Variants in EFCAB6 observed in about 807,000 individuals in gnomAD.
EFCAB6 encodes EF-hand calcium binding domain 6, also known as EF-hand calcium-binding domain-containing protein 6.
A neutral mutation model predicts 169.8 loss-of-function variants in EFCAB6; 156 were observed. The observed-to-expected ratio is 0.92, with a 90% CI of 0.81 to 1.05. The LOEUF is 1.05. Among genes scored for constraint, EFCAB6 ranks in the 50% least tolerant of loss-of-function variants. The probability of loss-of-function intolerance (pLI) is 0.00; values close to 1 mark genes in which losing one functional copy is unlikely to be tolerated. For synonymous variants in EFCAB6, 698 were observed against 676.4 expected, an observed-to-expected ratio of 1.03 and a Z score of -0.50; for missense variants, 1,800 against 1,829.1, an observed-to-expected ratio of 0.98 and a Z score of 0.29.
In EFCAB6 at chr22:43,600,203, A is replaced by G; in HGVS notation, c.2742T>C (p.Ile914=). Residue 914 remains isoleucine, a synonymous_variant, in exon 23 of 32, where the codon ATT becomes ATC. Transcript: ENST00000262726. ...GCCGATGGACAGCAGGCGAATAGTT[A>G]ATACCCAATTTCTGTAAAAATTCCT... ...TYQEFLQKLG[I]NYSPAVHRPC... is the part of the protein sequence containing the mutation. 6.2e-7 allele frequency: 1 copy of G among 1,614,168 alleles called. No homozygotes were observed. Among genetic ancestry groups the G allele is most frequent in the Non-Finnish European group, 8.5e-7 (1 of 1,180,018 alleles).
chr22:43,545,898 G>T (rs1602171851), intron 27 of EFCAB6, among the ~76,000 whole-genome samples: 1 of 152,206 alleles, frequency 6.6e-6, no homozygotes, highest in East Asian at 1.9e-4. Flanking sequence ...ATTTCCCCCA[G>T]ATTAAATTCA....
chr22:43,611,378 G>A (rs1171466777), intron 21 of EFCAB6, among the ~76,000 whole-genome samples: 1 of 152,176 alleles, frequency 6.6e-6, no homozygotes. Context: ...AACATTCCAT[G>A]CTCATGGATT....
intron 17 of EFCAB6, among the ~76,000 whole-genome samples, chr22:43,644,103 C>T (rs1281572014): frequency 2.6e-5 from 4 of 152,080 alleles, no homozygotes; most frequent in African/African-American, 9.7e-5. Flanking sequence ...GGATTCCAGG[C>T]GTGGCTGCGT....
rs2062121617 is a variant in EFCAB6 at position 43,787,402 on chromosome 22, A to C, written c.-7-5077T>G. Among the ~76,000 whole-genome samples the C allele has an allele frequency of 2.0e-5, 3 of 152,072 alleles. No individual in the cohort carries two copies. In the South Asian group the frequency reaches 6.2e-4, roughly 32 times the overall value. ...CACACACAATTAGAACTAATAAACA[A>C]GTTCAATAAGGTTGTAGGATACAAG... is the stretch of plus-strand genomic sequence containing the variant. On this transcript the variant is annotated intron_variant, in intron 2 of 31. Transcript: ENST00000262726.
intron 7 of EFCAB6, among the ~76,000 whole-genome samples, chr22:43,735,208 C>T (rs555458533): frequency 3.3e-5 from 5 of 152,132 alleles, no homozygotes; most frequent in South Asian, 4.2e-4. Flanking sequence ...AAAAAATGCC[C>T]GTGCAGGCTT....
intron 8 of EFCAB6, among the ~76,000 whole-genome samples, chr22:43,727,509 A>C (rs1371303023): frequency 2.0e-5 from 3 of 152,196 alleles, no homozygotes; most frequent in African/African-American, 7.2e-5. Context: ...AAGAAAATAT[A>C]TTTCTGTTGA....
chr22:43,544,340 C>T (rs1210240586), intron 27 of EFCAB6, among the ~76,000 whole-genome samples: 1 of 152,228 alleles, frequency 6.6e-6, no homozygotes, highest in African/African-American at 2.4e-5. Context: ...AGTCTCGGCT[C>T]CTATCCAGGC....
At chr22:43,586,877 G>A (rs2051111756) in intron 24 of EFCAB6, among the ~76,000 whole-genome samples, 1 of 152,128 alleles carries the variant, frequency 6.6e-6, no homozygotes. Flanking sequence ...TGGTTCTGAT[G>A]CTTGGAGTTT....
chr22:43,683,731 G>C lies in EFCAB6; in HGVS notation c.1251+16C>G, dbSNP rs201466080. 555 of 1,550,042 alleles carry C rather than the reference G, an allele frequency of 3.6e-4. No individual in the cohort carries two copies. Among genetic ancestry groups the C allele is most frequent in the Middle Eastern group, 1.4e-3 (8 of 5,830 alleles). ...AACAATGAGTGTTTCACAAGAGAAGGCTTTCAAAATCTTACAGTGTTGATT... is the reference window on the plus strand; with the variant it reads ...AACAATGAGTGTTTCACAAGAGAAGCCTTTCAAAATCTTACAGTGTTGATT... On this transcript the variant is annotated intron_variant, in intron 12 of 31. Transcript: ENST00000262726.
Position 43,811,758 on chromosome 22 carries a change from C to G in EFCAB6, c.-145+410G>C, listed in dbSNP as rs552738893. On this transcript the variant is annotated intron_variant, in intron 1 of 31. Coordinates refer to ENST00000262726, the MANE Select transcript of EFCAB6 (RefSeq NM_022785.4). ...CGTCTGTCTACAGGAGGGAGTCAAT[C>G]ATGACATTCACAAGACTGCTGTGGG... is the stretch of plus-strand genomic sequence containing the variant. 3.1e-3 allele frequency among the ~76,000 whole-genome samples: 466 copies of G among 152,280 alleles called. 2 individuals carry two copies. Among genetic ancestry groups the G allele is most frequent in the African/African-American group, 0.011 (444 of 41,556 alleles).
intron 6 of EFCAB6, among the ~76,000 whole-genome samples, chr22:43,753,829 CAG>C (rs1401573255): frequency 6.6e-6 from 1 of 152,188 alleles, no homozygotes; most frequent in African/African-American, 2.4e-5. Flanking sequence ...TCCAAAAATT[CAG>C]AGACATCTGC....
At chr22:43,562,878 G>C (rs2049157967) in intron 26 of EFCAB6, among the ~76,000 whole-genome samples, 2 of 152,088 alleles carry the variant, frequency 1.3e-5, no homozygotes, top group South Asian at 4.1e-4. Flanking sequence ...CCAGGTCACA[G>C]GTGGGAGGGC....
intron 6 of EFCAB6, among the ~76,000 whole-genome samples, chr22:43,752,116 A>AT (rs33992120): frequency 0.37 from 45,917 of 123,088 alleles, 9,929 homozygotes; most frequent in East Asian, 0.72. Flanking sequence ...TCTCCTTTCC[A>AT]TTTTTTTTTT....
chr22:43,590,731 G>C (rs896132243), intron 23 of EFCAB6, among the ~76,000 whole-genome samples: 1 of 147,868 alleles, frequency 6.8e-6, no homozygotes, highest in African/African-American at 2.5e-5. Context: ...TGGGACAGTA[G>C]GTTTGAAGGC....
chr22:43,571,591 G>A (rs369971016), intron 26 of EFCAB6, among the ~76,000 whole-genome samples: 2 of 152,282 alleles, frequency 1.3e-5, no homozygotes, highest in African/African-American at 2.4e-5. Flanking sequence ...GCCTTCCCCT[G>A]CAGCCGCCCT....
At chr22:43,652,947 T>C (rs2148072540) in intron 17 of EFCAB6, among the ~76,000 whole-genome samples, 1 of 152,000 alleles carries the variant, frequency 6.6e-6, no homozygotes, top group East Asian at 1.9e-4. Context: ...AATATAATAC[T>C]AAAATTAAGA....
intron 6 of EFCAB6, among the ~76,000 whole-genome samples, chr22:43,750,845 TG>T (rs1243900519): frequency 1.3e-5 from 2 of 152,254 alleles, no homozygotes; most frequent in Non-Finnish European, 2.9e-5. Flanking sequence ...CTCTTCTTCA[TG>T]AGGATATTAC....
chr22:43,595,679 C>A (rs1007562738), intron 23 of EFCAB6, among the ~76,000 whole-genome samples: 1 of 152,126 alleles, frequency 6.6e-6, no homozygotes, highest in Non-Finnish European at 1.5e-5. Flanking sequence ...TAGAGAAGAA[C>A]TAATACCAAC....
intron 26 of EFCAB6, among the ~76,000 whole-genome samples, chr22:43,557,153 C>A (rs566862178): frequency 6.6e-6 from 1 of 152,152 alleles, no homozygotes; most frequent in East Asian, 1.9e-4. Context: ...CTAGACTCTG[C>A]CCCTACCCGG....
Sources: allele counts gnomAD v4.1 joint callset (sites outside exome capture counted in the v4.1 genomes callset), GRCh38; gene constraint gnomAD v4.1.1; transcripts MANE v1.5; gene names NCBI Gene and HGNC (gene_info 2026-07-23, HGNC 2026-07-21).